WSB2: variants seen among roughly 807,000 people sequenced by gnomAD.
The protein encoded by WSB2 is WD repeat and SOCS box-containing protein 2.
In WSB2, 12 loss-of-function variants were observed where a neutral mutation model predicts 48.8. That is an observed-to-expected ratio of 0.25 (90% CI 0.16 to 0.40). The LOEUF (loss-of-function observed/expected upper bound fraction) is 0.40. Among genes scored for constraint, WSB2 ranks in the 10% least tolerant of loss-of-function variants. WSB2 has a pLI of 1.00. For synonymous variants in WSB2, 191 were observed against 203.1 expected, an observed-to-expected ratio of 0.94 and a Z score of 0.51; for missense variants, 317 against 506.2, an observed-to-expected ratio of 0.63 and a Z score of 3.59.
In WSB2 at chr12:118,032,870, T is replaced by G. The variant is rs1044141488; in HGVS notation, c.*1326A>C. The G allele has an allele frequency of 6.6e-6, 1 of 152,166 alleles. No homozygotes were observed. 9.4% of individuals were successfully genotyped at this position (152,166 alleles called of 1,614,324 possible). On this transcript the variant is annotated 3_prime_UTR_variant, in exon 9 of 9. Coordinates refer to ENST00000315436, the MANE Select transcript of WSB2 (RefSeq NM_018639.5). The stretch of plus-strand genomic sequence containing the variant: ...GCTTGTTTTAAAAGGGGACTTTTTT[T>G]TTTCTTAATGGAAAAAAATGAAACA...
intron 4 of WSB2, among the ~76,000 whole-genome samples, chr12:118,038,869 CAG>C (rs890604659): frequency 6.6e-6 from 1 of 152,112 alleles, no homozygotes; most frequent in African/African-American, 2.4e-5. Flanking sequence ...TTAGTAGAGA[CAG>C]GGTTTCACCA....
At chr12:118,035,439 T>C (rs374137042) in intron 6 of WSB2, 115 bp from the exon 7 acceptor site, 6 of 828,864 alleles carry the variant, frequency 7.2e-6, no homozygotes, top group African/African-American at 1.7e-5. Flanking sequence ...TCAAGATGCA[T>C]TGTGTGCCCC....
chr12:118,051,236 G>A (rs1468758633), intron 2 of WSB2, among the ~76,000 whole-genome samples: 1 of 152,144 alleles, frequency 6.6e-6, no homozygotes, highest in African/African-American at 2.4e-5. Context: ...TGAATCCACT[G>A]CTGGTGGGAA....
intron 4 of WSB2, among the ~76,000 whole-genome samples, chr12:118,040,899 A>G (rs1406219700): frequency 6.6e-6 from 1 of 152,142 alleles, no homozygotes; most frequent in East Asian, 1.9e-4. Flanking sequence ...AATACAAAAC[A>G]TTAGCCAGGT....
At position 118,052,703 on chromosome 12, in the gene WSB2, C is replaced by T. The variant is rs59687507; in HGVS notation, c.14-225G>A. 0.013 allele frequency: 8,136 copies of T among 631,822 alleles called. 544 individuals are homozygous for T. In the African/African-American group the frequency reaches 0.14, roughly 11 times the overall value. 39.1% of individuals were successfully genotyped at this position (631,822 alleles called of 1,614,324 possible). A position where few individuals can be genotyped will look rare whatever the true frequency, so the allele number is the denominator to read the frequency against. The stretch of plus-strand genomic sequence containing the variant: ...GCTGGTTAACCATGACTCACAGTAA[C>T]CTTTGTGCCCATGAACCCAGTGAAT... On this transcript the variant is annotated intron_variant, in intron 1 of 8. Coordinates refer to ENST00000315436, the MANE Select transcript of WSB2 (RefSeq NM_018639.5).
intron 4 of WSB2, 176 bp downstream of exon 4, chr12:118,042,665 T>G: frequency 1.1e-6 from 1 of 892,388 alleles, no homozygotes; most frequent in African/African-American, 1.7e-5. Flanking sequence ...TGGTATAGTA[T>G]TATCTTTGGG....
intron 1 of WSB2, among the ~76,000 whole-genome samples, chr12:118,053,035 G>T (rs1258276218): frequency 6.6e-6 from 1 of 152,044 alleles, no homozygotes; most frequent in Non-Finnish European, 1.5e-5. Flanking sequence ...TCTGTCTGGG[G>T]TTAAACCTTC....
At chr12:118,041,869 C>T (rs748797166) in intron 4 of WSB2, among the ~76,000 whole-genome samples, 1 of 151,614 alleles carries the variant, frequency 6.6e-6, no homozygotes, top group Non-Finnish European at 1.5e-5. Flanking sequence ...ATTCTCCTGC[C>T]TCAGCCTCCC....
Position 118,052,874 on chromosome 12 carries a change from T to C in WSB2, c.14-396A>G, listed in dbSNP as rs368398081. On this transcript the variant is annotated intron_variant, in intron 1 of 8. Transcript: ENST00000315436. ...AGGTTTCTTCAGAAGAACCTGCTGC[T>C]GTCAAAGAAGGAATATGTGAAACTC... is the stretch of plus-strand genomic sequence containing the variant. Among the ~76,000 whole-genome samples the C allele has an allele frequency of 8.5e-5, 13 of 152,296 alleles. No individual in the cohort carries two copies. The South Asian group carries it at 2.1e-3, about 24-fold the overall frequency.
intron 5 of WSB2, among the ~76,000 whole-genome samples, chr12:118,037,624 C>T (rs935149332): frequency 2.0e-5 from 3 of 150,186 alleles, no homozygotes; most frequent in Admixed American, 6.6e-5. Flanking sequence ...GCCGAGATTG[C>T]GTCATTGCAC....
chr12:118,054,944 C>G (rs746992813), intron 1 of WSB2, among the ~76,000 whole-genome samples: 11 of 148,846 alleles, frequency 7.4e-5, no homozygotes, highest in Non-Finnish European at 1.0e-4. Flanking sequence ...TTTGGTAGGC[C>G]GAGATGGGAT....
intron 2 of WSB2, among the ~76,000 whole-genome samples, chr12:118,045,714 G>GAAA (rs796232418): frequency 1.4e-5 from 1 of 72,070 alleles, no homozygotes; most frequent in Non-Finnish European, 3.3e-5. Flanking sequence ...CTGTCTCAAA[G>GAAA]AAAAAAAAAA....
At chr12:118,048,847 C>T (rs936066506) in intron 2 of WSB2, among the ~76,000 whole-genome samples, 1 of 152,046 alleles carries the variant, frequency 6.6e-6, no homozygotes, top group Admixed American at 6.6e-5. Context: ...TTTTCATTTA[C>T]TGATACCAGT....
At chr12:118,044,034 G>A (rs74489012) in intron 2 of WSB2, among the ~76,000 whole-genome samples, 1 of 151,280 alleles carries the variant, frequency 6.6e-6, no homozygotes, top group Non-Finnish European at 1.5e-5. Flanking sequence ...CAGGAGAATC[G>A]CTTGAACCCA....
At chr12:118,047,678 A>G (rs766898751) in intron 2 of WSB2, among the ~76,000 whole-genome samples, 2 of 152,130 alleles carry the variant, frequency 1.3e-5, no homozygotes, top group African/African-American at 4.8e-5. Context: ...ATGCCACTGT[A>G]CTCCAGCCTG....
At position 118,032,884 on chromosome 12, in the gene WSB2, A is replaced by T. The variant is rs2031396414; in HGVS notation, c.*1312T>A. The T allele has an allele frequency of 6.6e-6, 1 of 152,088 alleles. No individual in the cohort carries two copies. The highest frequency in any genetic ancestry group is 1.5e-5 in the Non-Finnish European group (1 of 68,022). 9.4% of individuals were successfully genotyped at this position (152,088 alleles called of 1,614,324 possible). On this transcript the variant is annotated 3_prime_UTR_variant, in exon 9 of 9. Transcript: ENST00000315436. Reference sequence around the variant, plus strand: ...GGGACTTTTTTTTTTCTTAATGGAAAAAAATGAAACAGAGAGCCAAAAGCT... The same window carrying T: ...GGGACTTTTTTTTTTCTTAATGGAATAAAATGAAACAGAGAGCCAAAAGCT...
At chr12:118,039,708 G>C (rs1433645794) in intron 4 of WSB2, among the ~76,000 whole-genome samples, 1 of 151,988 alleles carries the variant, frequency 6.6e-6, no homozygotes, top group Non-Finnish European at 1.5e-5. Flanking sequence ...AGTTTATGCG[G>C]ATGTATGGAT....
intron 7 of WSB2, 21 bp from the exon 8 acceptor site, chr12:118,035,114 T>A: frequency 1.2e-6 from 2 of 1,613,700 alleles, no homozygotes; most frequent in Non-Finnish European, 1.7e-6. Context: ...AGAGAGAACA[T>A]CTGGATATTA....
chr12:118,057,939 T>C (rs1319468808), intron 1 of WSB2, among the ~76,000 whole-genome samples: 2 of 136,040 alleles, frequency 1.5e-5, no homozygotes, highest in African/African-American at 5.8e-5. Flanking sequence ...TTTTTTTAAA[T>C]TAAATTTTTA....
Sources: gnomAD v4.1 joint callset for allele counts (sites outside exome capture counted in the v4.1 genomes callset) on GRCh38, gnomAD v4.1.1 for gene constraint, MANE v1.5 for transcripts, NCBI Gene and HGNC (gene_info 2026-07-23, HGNC 2026-07-21) for gene names.